MOK: variants seen among roughly 807,000 people sequenced by gnomAD.
The protein encoded by MOK is MAPK/MAK/MRK overlapping kinase.
Under a neutral mutation model 54.2 loss-of-function variants are expected in MOK, and 59 were observed. The observed-to-expected ratio is 1.09, with a 90% confidence interval of 0.88 to 1.35. MOK has a LOEUF of 1.35. MOK is among the 40% of genes most tolerant of loss of function. MOK has a pLI of 0.00. For synonymous variants in MOK, 210 were observed against 202.7 expected, an observed-to-expected ratio of 1.04 and a Z score of -0.31; for missense variants, 517 against 526.2, an observed-to-expected ratio of 0.98 and a Z score of 0.17.
chr14:102,220,452 G>A (rs1174461809), downstream of MOK, among the ~76,000 whole-genome samples: 1 of 152,106 alleles, frequency 6.6e-6, no homozygotes, highest in Admixed American at 6.5e-5. The surrounding 1 kb of genome is among the most constrained non-coding windows in gnomAD (Gnocchi z 4.2). Flanking sequence ...GGCCAGGTGC[G>A]GTGGCTCACG....
At chr14:102,218,029 C>T in the MOK span, among the ~76,000 whole-genome samples, 3 of 152,208 alleles carry the variant, frequency 2.0e-5, no homozygotes, top group East Asian at 1.9e-4. Flanking sequence ...CACAGCACGC[C>T]GGCCAGCTGG....
At chr14:102,272,296 T>C (rs2068438101) in intron 2 of MOK, among the ~76,000 whole-genome samples, 1 of 152,172 alleles carries the variant, frequency 6.6e-6, no homozygotes, top group Non-Finnish European at 1.5e-5. Flanking sequence ...CAAGACAGCC[T>C]GGCCAACATG....
intron 1 of MOK, among the ~76,000 whole-genome samples, chr14:102,302,459 A>G (rs1423637000): frequency 6.6e-6 from 1 of 151,618 alleles, no homozygotes; most frequent in Non-Finnish European, 1.5e-5. Context: ...TTTGTTGCCC[A>G]GGCTGCAGTA....
In MOK at chr14:102,251,965, A is replaced by C. The variant is rs145834415; in HGVS notation, c.314T>G (p.Ile105Ser). ...GRRYPLSEKK[I>S]MHYMYQLCKS... ...ACATAACTGGTACATATAGTGCATA[A>C]TTTTTTTTTCTGATAATGGGTATCT... The change falls in exon 5 of 12, where the codon ATT (isoleucine) becomes AGT (serine). Residue 105 changes from isoleucine (I) to serine (S), a missense_variant. Coordinates refer to ENST00000361847, the MANE Select transcript of MOK (RefSeq NM_014226.3). 51 of 1,599,284 alleles carry C rather than the reference A, an allele frequency of 3.2e-5. No individual in the cohort carries two copies. The highest frequency in any genetic ancestry group is 4.1e-5 in the Non-Finnish European group (48 of 1,169,004).
chr14:102,230,926 T>C lies in MOK; in HGVS notation c.981+781A>G, dbSNP rs1256524794. On this transcript the variant is annotated intron_variant, in intron 10 of 11. Coordinates refer to ENST00000361847, the MANE Select transcript of MOK (RefSeq NM_014226.3). This position sits in a 1 kb window ranked among gnomAD's most constrained non-coding sequence, Gnocchi z 4.1. ...GTGGAGCTGTCAAATCAGGGACCAA[T>C]GGGACACAGGAGCCTGGCTTTCTGG... The C allele has an allele frequency of 6.6e-6, 1 of 152,218 alleles. No individual in the cohort carries two copies. Among genetic ancestry groups the C allele is most frequent in the African/African-American group, 2.4e-5 (1 of 41,404 alleles). The allele number at this position is 152,218 out of a possible 1,614,324, so 9.4% of individuals were successfully genotyped here.
Position 102,253,993 on chromosome 14 carries a change from T to G in MOK, c.284-1998A>C, listed in dbSNP as rs1357385816. Among the ~76,000 whole-genome samples, 3 of 146,020 alleles carry G rather than the reference T, an allele frequency of 2.1e-5. No individual in the cohort carries two copies. The East Asian group carries it at 5.8e-4, about 28-fold the overall frequency. ...TGTCTAGGTGCAATTAGCTTTTTCT[T>G]TTTTTTTTTGGGACGAAGTGTAGCA... is the stretch of plus-strand genomic sequence containing the variant. On this transcript the variant is annotated intron_variant, in intron 4 of 11. Transcript: ENST00000361847.
intron 2 of MOK, among the ~76,000 whole-genome samples, chr14:102,279,306 G>A (rs2069179089): frequency 6.6e-6 from 1 of 151,844 alleles, no homozygotes. Context: ...TGTTGTTGTT[G>A]TTGTTTGAGA....
intron 1 of MOK, among the ~76,000 whole-genome samples, chr14:102,300,123 A>G (rs546147324): frequency 1.7e-4 from 26 of 152,104 alleles, no homozygotes; most frequent in African/African-American, 6.0e-4. Flanking sequence ...CAGGAGTTCG[A>G]GACCAGCCTG....
chr14:102,226,033 T>C, downstream of MOK: 1 of 462,904 alleles, frequency 2.2e-6, no homozygotes, highest in Non-Finnish European at 3.8e-6. This position sits in a 1 kb window ranked among gnomAD's most constrained non-coding sequence, Gnocchi z 4.8. Flanking sequence ...AGCTGCCTTG[T>C]GGCAGGCTGG....
intron 7 of MOK, 161 bp from the exon 8 acceptor site, chr14:102,233,950 G>A (rs1376128727): frequency 2.2e-5 from 13 of 598,240 alleles, no homozygotes; most frequent in East Asian, 5.7e-5. Context: ...AGCTGCTACC[G>A]TAAACATCAC....
chr14:102,302,735 T>C (rs556765381), intron 1 of MOK, among the ~76,000 whole-genome samples: 2 of 151,974 alleles, frequency 1.3e-5, no homozygotes, highest in Admixed American at 1.3e-4. Flanking sequence ...CATATTTCTA[T>C]ATAGGTATAC....
intron 10 of MOK, chr14:102,229,966 T>A: frequency 2.8e-6 from 1 of 360,626 alleles, no homozygotes. Flanking sequence ...CTCCAAGGTC[T>A]CACACCCTGA....
At chr14:102,255,279 C>T (rs1597386036) in intron 4 of MOK, among the ~76,000 whole-genome samples, 1 of 152,152 alleles carries the variant, frequency 6.6e-6, no homozygotes, top group Non-Finnish European at 1.5e-5. Flanking sequence ...GATCGTGCCA[C>T]TGTACTCCAG....
At chr14:102,219,248 C>T in the MOK span, among the ~76,000 whole-genome samples, 223 of 152,334 alleles carry the variant, frequency 1.5e-3, no homozygotes, top group African/African-American at 4.9e-3. Context: ...TTTTGAATGG[C>T]GCTTTTTCCT....
At position 102,231,894 on chromosome 14, in the gene MOK, G is replaced by T. The variant is rs1597246674; in HGVS notation, c.867-73C>A. ...GAGCACACGGCCTACTGGCTTCTTTGTCTCCAATTTGTCTACTGTGTGAGT... is the reference window on the plus strand; with the variant it reads ...GAGCACACGGCCTACTGGCTTCTTTTTCTCCAATTTGTCTACTGTGTGAGT... On this transcript the variant is annotated intron_variant, in intron 9 of 11. Coordinates refer to ENST00000361847, the MANE Select transcript of MOK (RefSeq NM_014226.3). The surrounding 1 kb of genome is among the most constrained non-coding windows in gnomAD (Gnocchi z 4.4). The T allele has an allele frequency of 2.4e-6, 3 of 1,267,034 alleles. No homozygotes were observed. Among genetic ancestry groups the T allele is most frequent in the South Asian group, 2.6e-5 (2 of 77,306 alleles). The allele number at this position is 1,267,034 out of a possible 1,614,324, so 78.5% of individuals were successfully genotyped here. A position where few individuals can be genotyped will look rare whatever the true frequency, so the allele number is the denominator to read the frequency against.
At chr14:102,304,868 C>A in intron 1 of MOK, 94 bp downstream of exon 1, 1 of 1,411,612 alleles carries the variant, frequency 7.1e-7, no homozygotes. Flanking sequence ...GACGCCCGGC[C>A]CCACAGGCCC....
At chr14:102,301,379 T>C (rs1383612424) in intron 1 of MOK, among the ~76,000 whole-genome samples, 2 of 152,208 alleles carry the variant, frequency 1.3e-5, no homozygotes, top group East Asian at 1.9e-4. Flanking sequence ...TGTCACTCTT[T>C]GCTCTCTACT....
intron 2 of MOK, chr14:102,280,648 C>G (rs2069318672): frequency 6.6e-6 from 1 of 152,218 alleles, no homozygotes; most frequent in African/African-American, 2.4e-5. Flanking sequence ...TGTGTCCCAC[C>G]TTGTTAGCTT....
Position 102,251,755 on chromosome 14 carries a change from C to G in MOK, c.411+1G>C, listed in dbSNP as rs537381396. The G allele has an allele frequency of 5.1e-6, 8 of 1,566,594 alleles. No homozygotes were observed. The highest frequency in any genetic ancestry group is 4.4e-6 in the Non-Finnish European group (5 of 1,139,102). On this transcript the variant is annotated splice_donor_variant, in intron 6 of 11. Coordinates refer to ENST00000361847, the MANE Select transcript of MOK (RefSeq NM_014226.3). LOFTEE classifies it high-confidence loss of function. Reference sequence around the variant, plus strand: ...CCCAGCTTTCATGTAAAAGCTCTTACCTTTATTAGTATATTTTCTGGTTTT... The same window carrying G: ...CCCAGCTTTCATGTAAAAGCTCTTAGCTTTATTAGTATATTTTCTGGTTTT...
Sources: gnomAD v4.1 joint callset for allele counts (sites outside exome capture counted in the v4.1 genomes callset) on GRCh38, gnomAD v4.1.1 for gene constraint, Gnocchi (gnomAD v3.1) non-coding constraint, MANE v1.5 for transcripts, NCBI Gene and HGNC (gene_info 2026-07-23, HGNC 2026-07-21) for gene names.